KIRREL3: variants seen among roughly 807,000 people sequenced by gnomAD.
The protein encoded by KIRREL3 is kin of IRRE-like protein 3.
In KIRREL3, 36 loss-of-function variants were observed where a neutral mutation model predicts 89.7. The ratio of observed to expected loss-of-function variants is 0.40; its 90% CI spans 0.31 to 0.53. The LOEUF is 0.53. Among genes scored for constraint, KIRREL3 ranks in the 20% least tolerant of loss-of-function variants. The pLI is 0.49. For missense variants in KIRREL3, 864 were observed against 1,056.6 expected, an observed-to-expected ratio of 0.82 and a Z score of 2.53; for synonymous variants, 445 against 441.4, an observed-to-expected ratio of 1.01 and a Z score of -0.10.
intron 1 of KIRREL3, among the ~76,000 whole-genome samples, chr11:126,986,955 G>A (rs1949883627): frequency 6.6e-6 from 1 of 152,166 alleles, no homozygotes. Context: ...CAGGCCTCAG[G>A]AGCAGCTGGT....
chr11:126,457,353 A>G (rs1160642605), intron 6 of KIRREL3, among the ~76,000 whole-genome samples: 107 of 105,106 alleles, frequency 1.0e-3, no homozygotes, highest in Non-Finnish European at 1.6e-4. Flanking sequence ...GTGTGTATGT[A>G]TGTCTCTGTG....
rs562342701 is a variant in KIRREL3, at chr11:126,688,689, G to C, written c.56-125777C>G. Among the ~76,000 whole-genome samples, 97 of 152,262 alleles carry C rather than the reference G, an allele frequency of 6.4e-4. 1 individual carries two copies. Among genetic ancestry groups the C allele is most frequent in the Non-Finnish European group, 1.2e-3 (83 of 68,026 alleles). Reference sequence around the variant, plus strand: ...TTGTTACTTGCTTGGAATATATACAGTCAGTTTTCTGTAAGGTGGGGGCAG... The same window carrying C: ...TTGTTACTTGCTTGGAATATATACACTCAGTTTTCTGTAAGGTGGGGGCAG... On this transcript the variant is annotated intron_variant, in intron 1 of 16. Transcript: ENST00000525144.
intron 1 of KIRREL3, among the ~76,000 whole-genome samples, chr11:126,914,828 T>C (rs1213008069): frequency 6.6e-6 from 1 of 152,278 alleles, no homozygotes; most frequent in Non-Finnish European, 1.5e-5. Context: ...GGAAATTTAC[T>C]GTTTTCGAAC....
chr11:126,467,189 G>A (rs117926781), intron 5 of KIRREL3, among the ~76,000 whole-genome samples: 7,481 of 152,304 alleles, frequency 0.049, 203 homozygotes, highest in Middle Eastern at 0.13. Flanking sequence ...ACTCTGCGGG[G>A]CCCCAGGTTC....
chr11:126,572,026 C>T (rs750673738), intron 1 of KIRREL3, among the ~76,000 whole-genome samples: 1 of 152,184 alleles, frequency 6.6e-6, no homozygotes, highest in Non-Finnish European at 1.5e-5. Context: ...AGTTGGAAGT[C>T]GTGACTAGTG....
rs1262698180 is a variant in KIRREL3 at position 126,697,023 on chromosome 11, C to T, written c.56-134111G>A. ...TAAATAAGTGTCATCTCCTTCCTTT[C>T]CAGCCTCTGCCTGCACAAACCCACT... On this transcript the variant is annotated intron_variant, in intron 1 of 16. Coordinates refer to ENST00000525144, the MANE Select transcript of KIRREL3 (RefSeq NM_032531.4). The surrounding 1 kb of genome is among the most constrained non-coding windows in gnomAD (Gnocchi z 4.2). Among the ~76,000 whole-genome samples the T allele has an allele frequency of 6.6e-6, 1 of 152,182 alleles. No homozygotes were observed. The highest frequency in any genetic ancestry group is 1.5e-5 in the Non-Finnish European group (1 of 68,026).
chr11:126,618,046 C>T (rs1363894574), intron 1 of KIRREL3, among the ~76,000 whole-genome samples: 1 of 152,190 alleles, frequency 6.6e-6, no homozygotes, highest in Non-Finnish European at 1.5e-5. Flanking sequence ...AGCACCATCC[C>T]TTCAGTGTTG....
chr11:126,446,163 A>G (rs970463059), intron 9 of KIRREL3, among the ~76,000 whole-genome samples: 1 of 151,840 alleles, frequency 6.6e-6, no homozygotes, highest in African/African-American at 2.4e-5. Context: ...AAAAAAAAAA[A>G]AAAAAAATGG....
chr11:126,923,176 CTCTTCTTCTTCTCTTCTTCTTCT>C (rs1947458279), intron 1 of KIRREL3, among the ~76,000 whole-genome samples: 1 of 17,988 alleles, frequency 5.6e-5, no homozygotes, highest in Non-Finnish European at 1.1e-4. Context: ...TCTTCTTCTT[CTCTTCTTCTTCTCTTCTTCTTCT>C]TCTTCTTCTT....
chr11:126,534,938 G>A (rs531567173), intron 2 of KIRREL3, among the ~76,000 whole-genome samples: 7 of 152,344 alleles, frequency 4.6e-5, no homozygotes, highest in Non-Finnish European at 7.3e-5. Context: ...GGGCCACGTG[G>A]CGTCCCTGAG....
rs557565745 is a variant in KIRREL3 at position 126,575,275 on chromosome 11, C to G, written c.56-12363G>C. ...GGCTCCTGAGGCCAAGAGAAGCCAG[C>G]CTAGGAAGGTTGGACCATTGATCCC... On this transcript the variant is annotated intron_variant, in intron 1 of 16. Coordinates refer to ENST00000525144, the MANE Select transcript of KIRREL3 (RefSeq NM_032531.4). This position sits in a 1 kb window ranked among gnomAD's most constrained non-coding sequence, Gnocchi z 7.0. 1.2e-3 allele frequency among the ~76,000 whole-genome samples: 182 copies of G among 152,258 alleles called. No homozygotes were observed. The highest frequency in any genetic ancestry group is 4.2e-3 in the African/African-American group (173 of 41,550).
Position 126,568,086 on chromosome 11 carries a change from C to A in KIRREL3, c.56-5174G>T, listed in dbSNP as rs543682998. ...TCAAACAAGAAACAGAAATTAATGG[C>A]AGGCAGTTTGGTGTGGCTGTAGCAG... On this transcript the variant is annotated intron_variant, in intron 1 of 16. Coordinates refer to ENST00000525144, the MANE Select transcript of KIRREL3 (RefSeq NM_032531.4). This position sits in a 1 kb window ranked among gnomAD's most constrained non-coding sequence, Gnocchi z 4.6. Among the ~76,000 whole-genome samples, 1 of 152,078 alleles carries A rather than the reference C, an allele frequency of 6.6e-6. No individual in the cohort carries two copies. The highest frequency in any genetic ancestry group is 2.1e-4 in the South Asian group (1 of 4,824).
rs1447475174 is a variant in KIRREL3 at position 126,817,887 on chromosome 11, C to A, written c.55+182568G>T. 6.6e-6 allele frequency among the ~76,000 whole-genome samples: 1 copy of A among 152,304 alleles called. No individual in the cohort carries two copies. Among genetic ancestry groups the A allele is most frequent in the East Asian group, 1.9e-4 (1 of 5,174 alleles). On this transcript the variant is annotated intron_variant, in intron 1 of 16. Coordinates refer to ENST00000525144, the MANE Select transcript of KIRREL3 (RefSeq NM_032531.4). This position sits in a 1 kb window ranked among gnomAD's most constrained non-coding sequence, Gnocchi z 5.7. The stretch of plus-strand genomic sequence containing the variant: ...CCCACTACAACCCACGGGTGGGAAG[C>A]TCTAGATCTTGGCACCCCGTCCTCT...
Position 126,643,080 on chromosome 11 carries a change from A to G in KIRREL3, c.56-80168T>C, listed in dbSNP as rs150364681. On this transcript the variant is annotated intron_variant, in intron 1 of 16. Transcript: ENST00000525144. This position sits in a 1 kb window ranked among gnomAD's most constrained non-coding sequence, Gnocchi z 4.5. Reference sequence around the variant, plus strand: ...GGAGACACAACTCTAGGCAGATGTCATGAGCACTGGAATCAGATTGGAAAA... The same window carrying G: ...GGAGACACAACTCTAGGCAGATGTCGTGAGCACTGGAATCAGATTGGAAAA... Among the ~76,000 whole-genome samples the G allele has an allele frequency of 1.5e-3, 226 of 152,346 alleles. 1 individual carries two copies. Among genetic ancestry groups the G allele is most frequent in the African/African-American group, 5.3e-3 (219 of 41,588 alleles).
At chr11:126,737,029 G>C (rs563596477) in intron 1 of KIRREL3, among the ~76,000 whole-genome samples, 1 of 152,324 alleles carries the variant, frequency 6.6e-6, no homozygotes, top group Non-Finnish European at 1.5e-5. Flanking sequence ...AACAGCTAAA[G>C]TTTTCTCAAA....
chr11:126,434,456 GGT>G (rs1955245022), intron 13 of KIRREL3, among the ~76,000 whole-genome samples: 1 of 152,242 alleles, frequency 6.6e-6, no homozygotes, highest in Admixed American at 6.5e-5. Context: ...GCCCTGGGTT[GGT>G]GCTCTGATAG....
At chr11:126,956,448 A>C (rs1337199813) in intron 1 of KIRREL3, among the ~76,000 whole-genome samples, 1 of 152,144 alleles carries the variant, frequency 6.6e-6, no homozygotes, top group East Asian at 1.9e-4. Flanking sequence ...TTTTAATGGC[A>C]TATGGTTCCA....
In KIRREL3 at chr11:126,576,715, T is replaced by C. The variant is rs1406427910; in HGVS notation, c.56-13803A>G. Among the ~76,000 whole-genome samples the C allele has an allele frequency of 6.6e-6, 1 of 152,198 alleles. No individual in the cohort carries two copies. The highest frequency in any genetic ancestry group is 1.5e-5 in the Non-Finnish European group (1 of 68,042). On this transcript the variant is annotated intron_variant, in intron 1 of 16. Transcript: ENST00000525144. This position sits in a 1 kb window ranked among gnomAD's most constrained non-coding sequence, Gnocchi z 5.4. ...GGGTGCACGTGCATGTATGAGTTCA[T>C]TAATTTGCTTCCTTTCTTCTCAGGC...
intron 4 of KIRREL3, among the ~76,000 whole-genome samples, chr11:126,517,136 A>AAGAGAGAAAGAGAGAGAGAGAG (rs1958437696): frequency 2.0e-3 from 278 of 140,876 alleles, no homozygotes; most frequent in Non-Finnish European, 3.6e-3. Context: ...GAGAGAGAGA[A>AAGAGAGAAAGAGAGAGAGAGAG]AGAGAGAGAG....
Sources: allele counts gnomAD v4.1 joint callset (sites outside exome capture counted in the v4.1 genomes callset), GRCh38; gene constraint gnomAD v4.1.1; non-coding constraint Gnocchi (gnomAD v3.1); transcripts MANE v1.5; gene names NCBI Gene and HGNC (gene_info 2026-07-23, HGNC 2026-07-21).